Variants in IL36G observed in about 807,000 individuals in gnomAD.
The protein encoded by IL36G is interleukin-36 gamma.
IL36G carries 10 observed loss-of-function variants against 13.5 expected under a neutral mutation model. The observed-to-expected ratio is 0.74, with a 90% CI of 0.46 to 1.26. The LOEUF is 1.26. Ranked by LOEUF, IL36G falls within the 50% of genes most tolerant of loss-of-function variation. The pLI, the probability that IL36G is intolerant of heterozygous loss-of-function variation, is 0.00. For missense variants in IL36G, 199 were observed against 203.0 expected, an observed-to-expected ratio of 0.98 and a Z score of 0.12; for synonymous variants, 84 against 74.0, an observed-to-expected ratio of 1.13 and a Z score of -0.69.
At chr2:112,984,430 T>C (rs1202183813) in intron 4 of IL36G, among the ~76,000 whole-genome samples, 1 of 152,222 alleles carries the variant, frequency 6.6e-6, no homozygotes, top group Non-Finnish European at 1.5e-5. Flanking sequence ...ATTCATACCC[T>C]AACCTGGCTG....
intron 2 of IL36G, among the ~76,000 whole-genome samples, 167 bp from the exon 3 acceptor site, chr2:112,979,054 C>T (rs543821426): frequency 1.1e-4 from 17 of 152,354 alleles, no homozygotes; most frequent in South Asian, 4.1e-4. Flanking sequence ...CACAACTTCA[C>T]TAGAAAGAAA....
intron 2 of IL36G, 44 bp from the exon 3 acceptor site, chr2:112,979,176 CT>C: frequency 1.6e-6 from 2 of 1,278,674 alleles, no homozygotes; most frequent in Middle Eastern, 1.8e-4. Context: ...GTAAAGCAGC[CT>C]TGATTATAAT....
chr2:112,982,721 C>T (rs1256489061), intron 4 of IL36G, among the ~76,000 whole-genome samples: 3 of 152,048 alleles, frequency 2.0e-5, no homozygotes, highest in Non-Finnish European at 2.9e-5. Flanking sequence ...TTATGTTGTG[C>T]GTTTGTTCTC....
Position 112,978,636 on chromosome 2 carries a change from A to T in IL36G, c.-3A>T, listed in dbSNP as rs1684205829. 2 of 1,614,104 alleles carry T rather than the reference A, an allele frequency of 1.2e-6. No homozygotes were observed. The highest frequency in any genetic ancestry group is 1.7e-6 in the Non-Finnish European group (2 of 1,179,936). ...CTTTCACAGGTGCTGAGACAACCAC[A>T]CTATGAGAGGCACTCCAGGAGACGC... On this transcript the variant is annotated 5_prime_UTR_variant, in exon 2 of 5. Transcript: ENST00000259205.
intron 4 of IL36G, among the ~76,000 whole-genome samples, chr2:112,983,311 G>A (rs1329042186): frequency 6.6e-6 from 1 of 152,146 alleles, no homozygotes; most frequent in Non-Finnish European, 1.5e-5. Context: ...AATGCTGGGG[G>A]CTTTCCTCTG....
At chr2:112,979,862 T>TGAATGAATGA in intron 3 of IL36G, 147 bp from the exon 4 acceptor site, 1 of 647,522 alleles carries the variant, frequency 1.5e-6, no homozygotes, top group Non-Finnish European at 2.7e-6. Flanking sequence ...AATGAATGAA[T>TGAATGAATGA]ATGGGGGTTG....
intron 4 of IL36G, chr2:112,981,437 TG>T: frequency 1.4e-6 from 1 of 690,798 alleles, no homozygotes; most frequent in Admixed American, 2.0e-5. Flanking sequence ...CTGGGCATGG[TG>T]GTGGCCACCC....
intron 2 of IL36G, 84 bp downstream of exon 2, chr2:112,978,777 T>C (rs1684210204): frequency 7.7e-7 from 1 of 1,301,308 alleles, no homozygotes; most frequent in Non-Finnish European, 1.1e-6. Flanking sequence ...CCCAGCCTTC[T>C]CTGCTCCTCT....
In IL36G at chr2:112,979,979, CTG is replaced by C. The variant is rs761172268; in HGVS notation, c.161-29_161-28del. ...TAATCTTTCTGACTTCAAAAGGAAA[CTG>C]ATACCATCTCTCCTCTTATCTTTAC... On this transcript the variant is annotated intron_variant, in intron 3 of 4. Coordinates refer to ENST00000259205, the MANE Select transcript of IL36G (RefSeq NM_019618.4). The C allele has an allele frequency of 1.9e-6, 3 of 1,602,234 alleles. No individual in the cohort carries two copies. In the African/African-American group the frequency reaches 4.0e-5, roughly 22 times the overall value.
At chr2:112,979,461 G>T (rs1242691306) in intron 3 of IL36G, 136 bp downstream of exon 3, 3 of 609,848 alleles carry the variant, frequency 4.9e-6, no homozygotes, top group African/African-American at 3.7e-5. Flanking sequence ...ATTGGGAAGA[G>T]AAGTCAGGGA....
chr2:112,982,880 C>A (rs1379866912), intron 4 of IL36G, among the ~76,000 whole-genome samples: 1 of 152,076 alleles, frequency 6.6e-6, no homozygotes, highest in Non-Finnish European at 1.5e-5. Context: ...TCAGAGACAG[C>A]AGATATGGAC....
In IL36G at chr2:112,980,421, AT is replaced by A. The variant is rs1399559984; in HGVS notation, c.300+274del. Among the ~76,000 whole-genome samples the A allele has an allele frequency of 3.9e-5, 6 of 152,244 alleles. 1 individual carries two copies. The highest frequency in any genetic ancestry group is 8.8e-5 in the Non-Finnish European group (6 of 68,012). On this transcript the variant is annotated intron_variant, in intron 4 of 4. Coordinates refer to ENST00000259205, the MANE Select transcript of IL36G (RefSeq NM_019618.4). Reference sequence around the variant, plus strand: ...ACATTCATGGTATTTCAGGCAGGATATGGGCAGACAATTGTTAAGAGTATGC... The same window carrying A: ...ACATTCATGGTATTTCAGGCAGGATAGGGCAGACAATTGTTAAGAGTATGC...
chr2:112,978,900 G>T (rs1324476310), intron 2 of IL36G, among the ~76,000 whole-genome samples: 1 of 152,204 alleles, frequency 6.6e-6, no homozygotes, highest in Non-Finnish European at 1.5e-5. Flanking sequence ...CAGCACCGGG[G>T]CCAAGCACAG....
At position 112,980,101 on chromosome 2, in the gene IL36G, T is replaced by C; in HGVS notation, c.253T>C (p.Cys85Arg). 2 of 1,614,098 alleles carry C rather than the reference T, an allele frequency of 1.2e-6. No homozygotes were observed. The highest frequency in any genetic ancestry group is 1.6e-4 in the Middle Eastern group (1 of 6,062). ...TTTGGGAATCCAGAATCCAGAAATG[T>C]GTTTGTATTGTGAGAAGGTTGGAGA... Reference protein sequence around the residue: ...IYLGIQNPEMCLYCEKVGEQP... With the variant: ...IYLGIQNPEMRLYCEKVGEQP... The change falls in exon 4 of 5, where the codon TGT becomes CGT. Residue 85 changes from cysteine to arginine, a missense_variant. Physicochemically the swap from Cys to Arg is radical, Grantham distance 180 (BLOSUM62 -3). Transcript: ENST00000259205.
chr2:112,983,541 T>A (rs1009784826), intron 4 of IL36G, among the ~76,000 whole-genome samples: 2 of 151,808 alleles, frequency 1.3e-5, no homozygotes, highest in African/African-American at 4.8e-5. Flanking sequence ...CAGCTGGCCT[T>A]GGGAAGATGT....
At chr2:112,981,163 A>C (rs1415673313) in intron 4 of IL36G, 5 of 1,136,634 alleles carry the variant, frequency 4.4e-6, no homozygotes, top group Non-Finnish European at 6.6e-6. Context: ...TGCACACACT[A>C]CACTTGGCAT....
Position 112,979,296 on chromosome 2 carries a change from C to T in IL36G, c.131C>T (p.Ala44Val). 1 of 1,612,174 alleles carries T rather than the reference C, an allele frequency of 6.2e-7. No homozygotes were observed. Among genetic ancestry groups the T allele is most frequent in the Non-Finnish European group, 8.5e-7 (1 of 1,178,156 alleles). ...ACCCTTCAGGGTCAGAACCTTGTGG[C>T]AGTTCCACGAAGTGACAGTGTGACC... ...VWTLQGQNLVAVPRSDSVTPV... is the reference protein window; with the variant it reads ...VWTLQGQNLVVVPRSDSVTPV... Residue 44 changes from alanine (A) to valine (V), a missense_variant, in exon 3 of 5, where the codon GCA (alanine) becomes GTA (valine). Physicochemically the swap from Ala to Val is moderately conservative, Grantham distance 64. Coordinates refer to ENST00000259205, the MANE Select transcript of IL36G (RefSeq NM_019618.4).
chr2:112,978,615 C>A lies in IL36G; in HGVS notation c.-19-5C>A. On this transcript the variant is annotated splice_polypyrimidine_tract_variant and splice_region_variant and intron_variant, in intron 1 of 4. Coordinates refer to ENST00000259205, the MANE Select transcript of IL36G (RefSeq NM_019618.4). ...GGTTCATCTGTTCTATGTCTGCTTTCACAGGTGCTGAGACAACCACACTAT... is the reference window on the plus strand; with the variant it reads ...GGTTCATCTGTTCTATGTCTGCTTTAACAGGTGCTGAGACAACCACACTAT... The A allele has an allele frequency of 6.2e-7, 1 of 1,612,046 alleles. No homozygotes were observed. Among genetic ancestry groups the A allele is most frequent in the Non-Finnish European group, 8.5e-7 (1 of 1,178,074 alleles).
In IL36G at chr2:112,981,505, TG is replaced by T. The variant is rs1208777784; in HGVS notation, c.300+1362del. On this transcript the variant is annotated intron_variant, in intron 4 of 4. Coordinates refer to ENST00000259205, the MANE Select transcript of IL36G (RefSeq NM_019618.4). ...AGCATTGTGCGGGTTTTGGTCAGTC[TG>T]GGGGCTGTTCTTGCCTCTTCTTCAC... 5 of 554,634 alleles carry T rather than the reference TG, an allele frequency of 9.0e-6. 1 individual carries two copies. The highest frequency in any genetic ancestry group is 1.6e-5 in the Non-Finnish European group (5 of 310,138). 34.4% of individuals were successfully genotyped at this position (554,634 alleles called of 1,614,324 possible).
Sources: allele counts gnomAD v4.1 joint callset (sites outside exome capture counted in the v4.1 genomes callset), GRCh38; gene constraint gnomAD v4.1.1; transcripts MANE v1.5; gene names NCBI Gene and HGNC (gene_info 2026-07-23, HGNC 2026-07-21).